FGF14: variants seen among roughly 807,000 people sequenced by gnomAD.
FGF14 encodes fibroblast growth factor homologous factor 4.
A neutral mutation model predicts 25.5 loss-of-function variants in FGF14; 5 were observed. The ratio of observed to expected loss-of-function variants is 0.20; its 90% CI spans 0.10 to 0.41. The LOEUF (loss-of-function observed/expected upper bound fraction) is 0.41, where lower values mean the gene tolerates loss of function less well. FGF14 is among the 10% of genes least tolerant of loss of function. The probability of loss-of-function intolerance (pLI) is 1.00; values close to 1 mark genes in which losing one functional copy is unlikely to be tolerated. For synonymous variants in FGF14, 138 were observed against 118.3 expected, an observed-to-expected ratio of 1.17 and a Z score of -1.08; for missense variants, 222 against 320.1, an observed-to-expected ratio of 0.69 and a Z score of 2.34.
At chr13:101,860,824 C>G (rs1207450690) in intron 3 of FGF14, among the ~76,000 whole-genome samples, 1 of 152,032 alleles carries the variant, frequency 6.6e-6, no homozygotes, top group Non-Finnish European at 1.5e-5. Context: ...GAGATCAGGT[C>G]ATTTTCAAAA....
chr13:102,100,842 G>C (rs2044627470), intron 1 of FGF14, among the ~76,000 whole-genome samples: 1 of 152,220 alleles, frequency 6.6e-6, no homozygotes, highest in Admixed American at 6.5e-5. Flanking sequence ...GCTCACGCCT[G>C]TAATCCCAAC....
Position 101,916,799 on chromosome 13 carries a change from T to A in FGF14, c.-154A>T, listed in dbSNP as rs898497966. ...TGGGGAGAGGGGAAGGGGGGCTCAG[T>A]CCTGACCGGGACCCATCGCCCTCTC... On this transcript the variant is annotated 5_prime_UTR_variant, in exon 1 of 5. Transcript: ENST00000376143. Among the ~76,000 whole-genome samples the A allele has an allele frequency of 6.6e-6, 1 of 152,054 alleles. No homozygotes were observed. The highest frequency in any genetic ancestry group is 1.5e-5 in the Non-Finnish European group (1 of 67,974).
chr13:102,142,270 T>A (rs952199064), intron 1 of FGF14, among the ~76,000 whole-genome samples: 5 of 152,166 alleles, frequency 3.3e-5, no homozygotes, highest in Non-Finnish European at 5.9e-5. Flanking sequence ...ATATATTGCA[T>A]CTTTTCTTAA....
chr13:102,301,136 T>A (rs779530777), intron 1 of FGF14, among the ~76,000 whole-genome samples: 7 of 152,118 alleles, frequency 4.6e-5, no homozygotes, highest in Non-Finnish European at 1.0e-4. Flanking sequence ...TCAAATGAAA[T>A]AGATCAGGCC....
At chr13:102,193,250 C>G (rs1377831222) in intron 1 of FGF14, among the ~76,000 whole-genome samples, 2 of 152,166 alleles carry the variant, frequency 1.3e-5, no homozygotes, top group African/African-American at 4.8e-5. Flanking sequence ...TCTCTGTGCT[C>G]TGCCATGGCC....
At chr13:101,796,401 T>C (rs1471264293) in intron 3 of FGF14, among the ~76,000 whole-genome samples, 4 of 152,024 alleles carry the variant, frequency 2.6e-5, no homozygotes, top group Admixed American at 2.6e-4. Context: ...GCTATAATGT[T>C]GAGCCTGAGC....
chr13:102,231,095 G>A (rs2051065382), intron 1 of FGF14, among the ~76,000 whole-genome samples: 1 of 152,076 alleles, frequency 6.6e-6, no homozygotes, highest in African/African-American at 2.4e-5. Flanking sequence ...TTTGATATCT[G>A]TCAATCTGGT....
At position 101,712,672 on chromosome 13, in the gene FGF14, C is replaced by A. The variant is rs1275771211; in HGVS notation, c.*10159G>T. ...ATAAAACACTAAGTATGGTGCCTTT[C>A]GAGGAAACTTCTCTGATAGTCAATG... On this transcript the variant is annotated 3_prime_UTR_variant, in exon 5 of 5. Transcript: ENST00000376143. The A allele has an allele frequency of 6.6e-6, 1 of 152,150 alleles. No homozygotes were observed. Among genetic ancestry groups the A allele is most frequent in the Non-Finnish European group, 1.5e-5 (1 of 68,028 alleles). The allele number at this position is 152,150 out of a possible 1,614,324, so 9.4% of individuals were successfully genotyped here. A position where few individuals can be genotyped will look rare whatever the true frequency, so the allele number is the denominator to read the frequency against.
intron 1 of FGF14, among the ~76,000 whole-genome samples, chr13:102,066,678 C>T (rs1278529038): frequency 6.6e-6 from 1 of 152,202 alleles, no homozygotes; most frequent in African/African-American, 2.4e-5. Context: ...TCTTCACATA[C>T]AACTCTCTCC....
intron 1 of FGF14, among the ~76,000 whole-genome samples, chr13:102,055,764 G>A (rs1421479014): frequency 6.6e-6 from 1 of 152,164 alleles, no homozygotes; most frequent in African/African-American, 2.4e-5. Context: ...TAAAGCTTTT[G>A]TATTAATCTA....
chr13:101,918,321 T>C (rs1340066245), upstream of FGF14, among the ~76,000 whole-genome samples: 3 of 152,194 alleles, frequency 2.0e-5, no homozygotes, highest in Non-Finnish European at 4.4e-5. Context: ...TCCGGGCTTC[T>C]TACTTTTCTC....
intron 1 of FGF14, among the ~76,000 whole-genome samples, chr13:102,140,465 C>T (rs1348768778): frequency 6.6e-6 from 1 of 152,034 alleles, no homozygotes; most frequent in Non-Finnish European, 1.5e-5. Flanking sequence ...CAAAAAGAAA[C>T]AAAGTGTATC....
In FGF14 at chr13:101,801,628, G is replaced by A. The variant is rs1239510498; in HGVS notation, c.408+67097C>T. 2.0e-5 allele frequency among the ~76,000 whole-genome samples: 3 copies of A among 152,302 alleles called. No homozygotes were observed. In the East Asian group the frequency reaches 5.8e-4, roughly 29 times the overall value. On this transcript the variant is annotated intron_variant, in intron 3 of 4. Coordinates refer to ENST00000376143, the MANE Select transcript of FGF14 (RefSeq NM_004115.4). ...TATTTAGAAGTGGTAATAGAAAGAAGTGGGAGCATCTGAGAAAACAGGTTG... is the reference window on the plus strand; with the variant it reads ...TATTTAGAAGTGGTAATAGAAAGAAATGGGAGCATCTGAGAAAACAGGTTG...
At chr13:101,914,520 C>G (rs1247690745) in intron 1 of FGF14, among the ~76,000 whole-genome samples, 2 of 152,072 alleles carry the variant, frequency 1.3e-5, no homozygotes, top group Non-Finnish European at 2.9e-5. Flanking sequence ...GATTGCTTAT[C>G]ATTTCAAAAT....
intron 3 of FGF14, among the ~76,000 whole-genome samples, chr13:101,801,057 G>A (rs985794047): frequency 6.6e-6 from 1 of 152,182 alleles, no homozygotes; most frequent in Non-Finnish European, 1.5e-5. Flanking sequence ...GTGAGGGACA[G>A]CTACCTCGAA....
intron 1 of FGF14, among the ~76,000 whole-genome samples, chr13:102,029,692 T>C (rs567612113): frequency 6.6e-6 from 1 of 152,226 alleles, no homozygotes; most frequent in East Asian, 1.9e-4. Context: ...TGGAATAACA[T>C]AATTTATGAA....
At chr13:102,218,053 T>A (rs2050449531) in intron 1 of FGF14, among the ~76,000 whole-genome samples, 1 of 152,194 alleles carries the variant, frequency 6.6e-6, no homozygotes, top group Non-Finnish European at 1.5e-5. Context: ...GGACTCTCTC[T>A]TGTATTCGTG....
chr13:101,916,385 G>A (rs1399016620), intron 1 of FGF14, 68 bp downstream of exon 1: 5 of 1,570,360 alleles, frequency 3.2e-6, no homozygotes, highest in Admixed American at 1.7e-5. Context: ...GAAGGAGCCT[G>A]GAGAAGCTCC....
chr13:102,121,239 A>G (rs1372660982), intron 1 of FGF14, among the ~76,000 whole-genome samples: 2 of 152,062 alleles, frequency 1.3e-5, no homozygotes, highest in Non-Finnish European at 2.9e-5. Flanking sequence ...CATACTTCTC[A>G]GTGGTCAGGA....
Sources: allele counts gnomAD v4.1 joint callset (sites outside exome capture counted in the v4.1 genomes callset), GRCh38; gene constraint gnomAD v4.1.1; transcripts MANE v1.5; gene names NCBI Gene and HGNC (gene_info 2026-07-23, HGNC 2026-07-21).